SNX29: variants seen among roughly 807,000 people sequenced by gnomAD.
SNX29 encodes the protein sorting nexin 29, also known as sorting nexin-29.
Under a neutral mutation model 102.1 loss-of-function variants are expected in SNX29, and 78 were observed. The observed-to-expected ratio is 0.76, with a 90% CI of 0.64 to 0.92. The LOEUF is 0.92. Among genes scored for constraint, SNX29 ranks in the 40% least tolerant of loss-of-function variants. The pLI is 0.00. For missense variants in SNX29, 1,280 were observed against 1,061.7 expected (o/e 1.21, Z -2.86); for synonymous variants, 580 against 414.5 (o/e 1.40, Z -4.85).
intron 19 of SNX29, among the ~76,000 whole-genome samples, chr16:12,513,350 T>C (rs2089719614): frequency 7.7e-6 from 1 of 129,156 alleles, no homozygotes; most frequent in Non-Finnish European, 1.6e-5. Flanking sequence ...CCTGCCCTGC[T>C]CTCTTCTCCT....
At chr16:12,466,181 A>T (rs772054206) in intron 18 of SNX29, among the ~76,000 whole-genome samples, 36 of 152,208 alleles carry the variant, frequency 2.4e-4, no homozygotes, top group Non-Finnish European at 4.4e-5. Context: ...AAGGCATCCA[A>T]ATTGGAAAAG....
intron 20 of SNX29, among the ~76,000 whole-genome samples, chr16:12,562,152 T>A (rs989576347): frequency 3.3e-5 from 5 of 152,060 alleles, no homozygotes; most frequent in African/African-American, 1.2e-4. Context: ...CAATACCAGG[T>A]CTGTGGAGTA....
In SNX29 at chr16:12,366,529, C is replaced by T. The variant is rs369753729; in HGVS notation, c.1899+10250C>T. On this transcript the variant is annotated intron_variant, in intron 16 of 20. Transcript: ENST00000566228. ...GCCCGGAGGAGAGGAAGTGACATAG[C>T]GTGGCTGTGGGGTGCAGTGGGCCTG... Among the ~76,000 whole-genome samples the T allele has an allele frequency of 3.2e-4, 48 of 152,288 alleles. No homozygotes were observed. The East Asian group carries it at 5.2e-3, about 17-fold the overall frequency.
chr16:12,230,762 C>A (rs111525217), intron 14 of SNX29, among the ~76,000 whole-genome samples: 2,546 of 152,196 alleles, frequency 0.017, 74 homozygotes, highest in African/African-American at 0.059. Flanking sequence ...TTGGGCTGCA[C>A]GTTGGAGTTG....
At chr16:12,118,558 C>T (rs373516624) in intron 11 of SNX29, among the ~76,000 whole-genome samples, 1 of 151,868 alleles carries the variant, frequency 6.6e-6, no homozygotes, top group South Asian at 2.1e-4. Context: ...TGACGTGATC[C>T]GCCCACCTCG....
intron 15 of SNX29, among the ~76,000 whole-genome samples, chr16:12,306,648 A>C (rs890877033): frequency 6.6e-6 from 1 of 152,186 alleles, no homozygotes. Context: ...TTTAATGATG[A>C]TTACACTGAG....
chr16:12,313,177 C>G (rs534484583), intron 15 of SNX29, among the ~76,000 whole-genome samples: 1 of 152,096 alleles, frequency 6.6e-6, no homozygotes, highest in Non-Finnish European at 1.5e-5. Flanking sequence ...CCATGCCCGG[C>G]TAATTTTTGT....
intron 20 of SNX29, among the ~76,000 whole-genome samples, chr16:12,561,754 G>A (rs950486517): frequency 1.5e-4 from 23 of 152,298 alleles, no homozygotes; most frequent in African/African-American, 5.5e-4. Context: ...TGGAGTTTCT[G>A]AAATGAACAC....
intron 20 of SNX29, among the ~76,000 whole-genome samples, chr16:12,542,721 C>G (rs1220161219): frequency 2.7e-5 from 4 of 149,984 alleles, no homozygotes; most frequent in East Asian, 2.0e-4. Flanking sequence ...GTCTTTTACT[C>G]TTAAATCTTG....
chr16:12,347,258 G>T (rs972744790), intron 15 of SNX29, among the ~76,000 whole-genome samples: 1 of 152,052 alleles, frequency 6.6e-6, no homozygotes, highest in East Asian at 1.9e-4. Context: ...TGCCCCACAG[G>T]TCTCAGTTGA....
chr16:12,524,640 A>T, intron 19 of SNX29, 62 bp from the exon 20 acceptor site: 1 of 1,569,886 alleles, frequency 6.4e-7, no homozygotes, highest in Non-Finnish European at 8.7e-7. Context: ...CCTGTTCTAT[A>T]GGGTCATTTC....
chr16:12,458,721 G>A (rs1483758987), intron 18 of SNX29, among the ~76,000 whole-genome samples: 1 of 152,132 alleles, frequency 6.6e-6, no homozygotes, highest in Non-Finnish European at 1.5e-5. Flanking sequence ...CACCAAGGAG[G>A]AGGTAGCCTT....
intron 18 of SNX29, among the ~76,000 whole-genome samples, chr16:12,474,772 C>G (rs1186978905): frequency 6.6e-6 from 1 of 152,212 alleles, no homozygotes; most frequent in Admixed American, 6.5e-5. Flanking sequence ...ATTGATCTCT[C>G]TCCCACTTCC....
intron 8 of SNX29, among the ~76,000 whole-genome samples, chr16:12,057,348 C>T (rs139732956): frequency 6.6e-6 from 1 of 152,168 alleles, no homozygotes; most frequent in African/African-American, 2.4e-5. Context: ...AGTGAGTCCT[C>T]AGTTCCTGGC....
At chr16:12,129,888 A>C in intron 13 of SNX29, 130 bp downstream of exon 13, 1 of 1,118,512 alleles carries the variant, frequency 8.9e-7, no homozygotes, top group Non-Finnish European at 1.2e-6. Flanking sequence ...GTGGATCATA[A>C]GGTCAGGAGA....
At chr16:12,130,859 T>A (rs1355539395) in intron 13 of SNX29, among the ~76,000 whole-genome samples, 2 of 152,160 alleles carry the variant, frequency 1.3e-5, no homozygotes, top group East Asian at 3.8e-4. Context: ...CTCCTGACAT[T>A]TCCTTGTCTG....
chr16:12,014,082 C>T (rs984193180), intron 3 of SNX29, among the ~76,000 whole-genome samples: 8 of 152,138 alleles, frequency 5.3e-5, no homozygotes, highest in Non-Finnish European at 1.0e-4. Flanking sequence ...CAGGTGCATG[C>T]CACTGTGCCT....
chr16:12,568,719 A>T lies in SNX29; in HGVS notation c.*90A>T. 6.6e-7 allele frequency: 1 copy of T among 1,523,026 alleles called. No homozygotes were observed. The highest frequency in any genetic ancestry group is 8.8e-7 in the Non-Finnish European group (1 of 1,137,462). The allele number at this position is 1,523,026 out of a possible 1,614,324, so 94.3% of individuals were successfully genotyped here. The stretch of plus-strand genomic sequence containing the variant: ...CGCTGGCCCCTCACCTCAGCGTGAC[A>T]ACCACGTCCACCTGGTGATCCTGAG... On this transcript the variant is annotated 3_prime_UTR_variant, in exon 21 of 21. Coordinates refer to ENST00000566228, the MANE Select transcript of SNX29 (RefSeq NM_032167.5).
At chr16:12,532,106 G>T (rs896564555) in intron 20 of SNX29, among the ~76,000 whole-genome samples, 1 of 152,306 alleles carries the variant, frequency 6.6e-6, no homozygotes, top group Non-Finnish European at 1.5e-5. Context: ...ACGTGGTCAC[G>T]ATCTCATTAG....
Sources: allele counts gnomAD v4.1 joint callset (sites outside exome capture counted in the v4.1 genomes callset), GRCh38; gene constraint gnomAD v4.1.1; transcripts MANE v1.5; gene names NCBI Gene and HGNC (gene_info 2026-07-23, HGNC 2026-07-21).